The following FCAMR variants were observed in gnomAD, a reference collection of about 807,000 sequenced individuals.
The protein encoded by FCAMR is Fc alpha and mu receptor, also known as high affinity immunoglobulin alpha and immunoglobulin mu Fc receptor.
Under a neutral mutation model 52.2 loss-of-function variants are expected in FCAMR, and 51 were observed. The observed-to-expected ratio is 0.98, with a 90% CI of 0.78 to 1.23. The LOEUF (loss-of-function observed/expected upper bound fraction) is 1.23. Ranked by LOEUF, FCAMR falls within the 50% of genes most tolerant of loss-of-function variation. The probability of loss-of-function intolerance (pLI) is 0.00; values close to 1 mark genes in which losing one functional copy is unlikely to be tolerated. For missense variants in FCAMR, 719 were observed against 712.6 expected, an observed-to-expected ratio of 1.01 and a Z score of -0.10; for synonymous variants, 282 against 262.0, an observed-to-expected ratio of 1.08 and a Z score of -0.74.
At position 206,962,507 on chromosome 1, in the gene FCAMR, C is replaced by T. The variant is rs1274118128; in HGVS notation, c.358G>A (p.Gly120Arg). 5 of 1,601,338 alleles carry T rather than the reference C, an allele frequency of 3.1e-6. No homozygotes were observed. Among genetic ancestry groups the T allele is most frequent in the Non-Finnish European group, 4.3e-6 (5 of 1,170,712 alleles). ...KGSRLVSGEPGGAVTIQCHYA... is the reference protein window; with the variant it reads ...KGSRLVSGEPRGAVTIQCHYA... ...TGGCACTGGATGGTGACAGCTCCTCCAGGCTCCCCTGACACCAGCCTTGAG... is the reference window on the plus strand; with the variant it reads ...TGGCACTGGATGGTGACAGCTCCTCTAGGCTCCCCTGACACCAGCCTTGAG... The change falls in exon 5 of 8, where the codon GGA (glycine) becomes AGA (arginine). Residue 120 changes from glycine (G) to arginine (R), a missense_variant. Physicochemically the swap from Gly to Arg is moderately radical, Grantham distance 125 (BLOSUM62 -2). Coordinates refer to ENST00000324852, the MANE Select transcript of FCAMR (RefSeq NM_001170631.2).
At chr1:206,961,371 A>G (rs1680502440) in intron 5 of FCAMR, 148 bp from the exon 6 acceptor site, 1 of 640,832 alleles carries the variant, frequency 1.6e-6, no homozygotes. Flanking sequence ...GGATAAAATA[A>G]AAAATAGGAA....
In FCAMR at chr1:206,970,072, A is replaced by T. The variant is rs548565234; in HGVS notation, c.39+15T>A. ...GAGGCAAGATCCCAACCTCCAGGAG[A>T]AAGCATCATTTCACCTTTTGTTCTC... On this transcript the variant is annotated intron_variant, in intron 1 of 7. Coordinates refer to ENST00000324852, the MANE Select transcript of FCAMR (RefSeq NM_001170631.2). 21 of 1,614,018 alleles carry T rather than the reference A, an allele frequency of 1.3e-5. No individual in the cohort carries two copies. The South Asian group carries it at 2.2e-4, about 17-fold the overall frequency.
chr1:206,960,602 A>G lies in FCAMR; in HGVS notation c.1274T>C (p.Val425Ala). ...TGCAGCTGGAGTTCCCAAGATCCAC[A>G]CATCTGCAGCTGGAGTTCCCAAGGT... Reference protein sequence around the residue: ...MWTLGTPAADVWILGTPAADV... With the variant: ...MWTLGTPAADAWILGTPAADV... Residue 425 changes from valine (V) to alanine (A), a missense_variant, in exon 6 of 8, where the codon GTG (valine) becomes GCG (alanine). Coordinates refer to ENST00000324852, the MANE Select transcript of FCAMR (RefSeq NM_001170631.2). The G allele has an allele frequency of 6.4e-7, 1 of 1,551,806 alleles. No homozygotes were observed.
intron 5 of FCAMR, 45 bp from the exon 6 acceptor site, chr1:206,961,268 C>T: frequency 5.5e-6 from 8 of 1,466,186 alleles, no homozygotes; most frequent in Non-Finnish European, 6.3e-6. Flanking sequence ...GCTGGCAGGC[C>T]ACCTACTGGA....
At chr1:206,958,790 G>T in intron 7 of FCAMR, 114 bp from the exon 8 acceptor site, 1 of 1,412,024 alleles carries the variant, frequency 7.1e-7, no homozygotes, top group Non-Finnish European at 9.9e-7. Context: ...TGACACAGAA[G>T]CAATGGAGCC....
Position 206,965,716 on chromosome 1 carries a change from T to A in FCAMR, c.312A>T (p.Ala104=). ...PLCWREESSF[A]APNSLKGSRL... is the part of the protein sequence containing the mutation. ...ACAAAGGGAGAGTAGGGGTTGTACC[T>A]GCAAAGGAGCTCTCCTCCCGCCAGC... The change falls in exon 4 of 8, where the codon GCA becomes GCT. Residue 104 remains alanine, a splice_region_variant and synonymous_variant. Coordinates refer to ENST00000324852, the MANE Select transcript of FCAMR (RefSeq NM_001170631.2). The A allele has an allele frequency of 6.4e-7, 1 of 1,568,034 alleles. No individual in the cohort carries two copies.
At chr1:206,966,775 T>C (rs1680726061) in intron 3 of FCAMR, among the ~76,000 whole-genome samples, 1 of 152,250 alleles carries the variant, frequency 6.6e-6, no homozygotes, top group Admixed American at 6.5e-5. Context: ...TTTCCATTCA[T>C]TCATTAATTT....
intron 1 of FCAMR, among the ~76,000 whole-genome samples, chr1:206,968,885 C>A (rs1210267434): frequency 6.6e-6 from 1 of 152,192 alleles, no homozygotes; most frequent in Non-Finnish European, 1.5e-5. Flanking sequence ...GCCCTCTCCA[C>A]TAAGGCCTTT....
intron 7 of FCAMR, chr1:206,959,071 T>C: frequency 7.2e-6 from 3 of 416,864 alleles, no homozygotes; most frequent in Non-Finnish European, 1.4e-5. Context: ...GAGGGTTGCT[T>C]ATGAGGCTTA....
At chr1:206,969,622 C>T (rs570813125) in intron 1 of FCAMR, among the ~76,000 whole-genome samples, 7 of 152,254 alleles carry the variant, frequency 4.6e-5, no homozygotes, top group African/African-American at 1.2e-4. Flanking sequence ...ACTGGCCCTC[C>T]GAGCCCCAGT....
chr1:206,968,090 A>T (rs1680786298), intron 1 of FCAMR, among the ~76,000 whole-genome samples: 1 of 152,254 alleles, frequency 6.6e-6, no homozygotes, highest in East Asian at 1.9e-4. Flanking sequence ...CTGTAATCCC[A>T]GCACTTTGGG....
chr1:206,966,536 C>T (rs1393358937), intron 3 of FCAMR, among the ~76,000 whole-genome samples: 3 of 152,178 alleles, frequency 2.0e-5, no homozygotes, highest in East Asian at 3.8e-4. Flanking sequence ...CAGGTGCGTG[C>T]CACCAGGCCC....
rs1431844445 is a variant in FCAMR, at chr1:206,958,368, C to T, written c.*148G>A. On this transcript the variant is annotated 3_prime_UTR_variant, in exon 8 of 8. Coordinates refer to ENST00000324852, the MANE Select transcript of FCAMR (RefSeq NM_001170631.2). ...TTGACTTTCTTGGGCCCAAGGACAG[C>T]CAGCCTTTCTTCCATGGGTGGAGCA... The T allele has an allele frequency of 3.4e-6, 3 of 895,392 alleles. No individual in the cohort carries two copies. Among genetic ancestry groups the T allele is most frequent in the Admixed American group, 3.0e-5 (1 of 33,870 alleles). 55.5% of individuals were successfully genotyped at this position (895,392 alleles called of 1,614,324 possible).
At chr1:206,960,270 G>T in intron 6 of FCAMR, 152 bp downstream of exon 6, 1 of 734,036 alleles carries the variant, frequency 1.4e-6, no homozygotes, top group Non-Finnish European at 2.2e-6. Context: ...TCACAGCAAG[G>T]CCCCTTGGGT....
intron 4 of FCAMR, among the ~76,000 whole-genome samples, chr1:206,963,132 G>A (rs1680575048): frequency 1.3e-5 from 2 of 152,196 alleles, no homozygotes; most frequent in South Asian, 4.1e-4. Context: ...CCTTTCATCT[G>A]CAAAAGACGG....
Position 206,959,691 on chromosome 1 carries a change from T to C in FCAMR, c.1561A>G (p.Arg521Gly), listed in dbSNP as rs1251987653. 2 of 1,613,838 alleles carry C rather than the reference T, an allele frequency of 1.2e-6. No homozygotes were observed. Among genetic ancestry groups the C allele is most frequent in the South Asian group, 2.2e-5 (2 of 91,066 alleles). The change falls in exon 7 of 8, where the codon AGA becomes GGA. Residue 521 changes from arginine (R) to glycine (G), a missense_variant. Transcript: ENST00000324852. ...CTACTCAACTCACAGGTCCTCCTTC[T>C]CCAGAGCTTCCTTTGCAATAGAACC... ...ALVLLQRKLW[R>G]RRTSQEAERV... is the part of the protein sequence containing the mutation.
intron 4 of FCAMR, among the ~76,000 whole-genome samples, chr1:206,963,870 G>T (rs918009259): frequency 2.0e-5 from 3 of 152,258 alleles, no homozygotes; most frequent in Admixed American, 6.5e-5. Flanking sequence ...AGAATTGCAG[G>T]TTCTTCTGCT....
chr1:206,969,955 A>G (rs72741333), intron 1 of FCAMR, 132 bp downstream of exon 1: 8 of 1,045,054 alleles, frequency 7.7e-6, no homozygotes, highest in Non-Finnish European at 1.2e-5. Flanking sequence ...TAGAACCCTT[A>G]CCTGGCCTCC....
chr1:206,965,839 T>G lies in FCAMR; in HGVS notation c.189A>C (p.Pro63=). 1.2e-6 allele frequency: 2 copies of G among 1,605,346 alleles called. No homozygotes were observed. The highest frequency in any genetic ancestry group is 1.7e-6 in the Non-Finnish European group (2 of 1,176,250). Residue 63 remains proline (P), a synonymous_variant, in exon 4 of 8, where the codon CCA becomes CCC. Coordinates refer to ENST00000324852, the MANE Select transcript of FCAMR (RefSeq NM_001170631.2). Reference sequence around the variant, plus strand: ...GCCATCTCGGATGGGGTCTTTTTTGTGGAAGGGCGAAAGAAGAACCTGCAG... The same window carrying G: ...GCCATCTCGGATGGGGTCTTTTTTGGGGAAGGGCGAAAGAAGAACCTGCAG... ...CLLQGSSFAL[P]QKRPHPRWLW... is the part of the protein sequence containing the mutation.
Sources: allele counts gnomAD v4.1 joint callset (sites outside exome capture counted in the v4.1 genomes callset), GRCh38; gene constraint gnomAD v4.1.1; transcripts MANE v1.5; gene names NCBI Gene and HGNC (gene_info 2026-07-23, HGNC 2026-07-21).